The following GAD1 variants were observed in gnomAD, a reference collection of about 807,000 sequenced individuals.
GAD1 encodes glutamate decarboxylase 1.
Under a neutral mutation model 75.2 loss-of-function variants are expected in GAD1, and 35 were observed. The observed-to-expected ratio is 0.47, with a 90% CI of 0.36 to 0.62. The LOEUF (loss-of-function observed/expected upper bound fraction) is 0.62, where lower values mean the gene tolerates loss of function less well. GAD1 is among the 20% of genes least tolerant of loss of function. GAD1 has a pLI of 0.00. For synonymous variants in GAD1, 257 were observed against 271.9 expected, an observed-to-expected ratio of 0.95 and a Z score of 0.54; for missense variants, 490 against 758.5, an observed-to-expected ratio of 0.65 and a Z score of 4.16.
intron 6 of GAD1, among the ~76,000 whole-genome samples, chr2:170,839,133 G>T (rs1457328935): frequency 6.6e-6 from 1 of 152,172 alleles, no homozygotes; most frequent in Non-Finnish European, 1.5e-5. Flanking sequence ...AATGGCAAAA[G>T]GATCTTTCTA....
At chr2:170,855,496 CCG>C (rs1702831647) in intron 14 of GAD1, among the ~76,000 whole-genome samples, 1 of 151,594 alleles carries the variant, frequency 6.6e-6, no homozygotes. Flanking sequence ...GCGTGAGCCA[CCG>C]CACCCAGCTC....
chr2:170,843,773 T>C (rs1482990109), intron 6 of GAD1: 4 of 449,386 alleles, frequency 8.9e-6, no homozygotes, highest in African/African-American at 7.9e-5. Flanking sequence ...GGGTGGACCA[T>C]GCCTAAGACA....
At chr2:170,840,814 A>C (rs974558812) in intron 6 of GAD1, among the ~76,000 whole-genome samples, 7 of 152,330 alleles carry the variant, frequency 4.6e-5, no homozygotes, top group Middle Eastern at 3.4e-3. Flanking sequence ...AAAGGGTAGA[A>C]AATATAGTCT....
At chr2:170,840,229 T>C (rs979915213) in intron 6 of GAD1, among the ~76,000 whole-genome samples, 1 of 152,186 alleles carries the variant, frequency 6.6e-6, no homozygotes, top group African/African-American at 2.4e-5. Context: ...GGTACAGTGT[T>C]TGCACCTAGG....
intron 7 of GAD1, 55 bp from the exon 8 acceptor site, chr2:170,845,451 T>C (rs1575441587): frequency 6.7e-7 from 1 of 1,501,142 alleles, no homozygotes; most frequent in Non-Finnish European, 9.3e-7. Context: ...CGTTCGTTTT[T>C]AGAAACAATA....
chr2:170,856,960 C>T, intron 14 of GAD1, 58 bp from the exon 15 acceptor site: 1 of 1,366,448 alleles, frequency 7.3e-7, no homozygotes, highest in Non-Finnish European at 1.0e-6. Flanking sequence ...GCATAGCCTT[C>T]CCAAATGCTC....
At chr2:170,855,075 A>G (rs576383618) in intron 14 of GAD1, among the ~76,000 whole-genome samples, 2 of 152,260 alleles carry the variant, frequency 1.3e-5, no homozygotes, top group African/African-American at 4.8e-5. Flanking sequence ...AATAATTTCT[A>G]TGTTTAAGAT....
intron 15 of GAD1, among the ~76,000 whole-genome samples, chr2:170,857,709 T>TTAA (rs376829156): frequency 7.5e-4 from 115 of 152,376 alleles, no homozygotes; most frequent in African/African-American, 2.7e-3. Context: ...AAGGTTCTAC[T>TTAA]TAACATAGAC....
intron 14 of GAD1, among the ~76,000 whole-genome samples, chr2:170,855,488 G>A (rs190870713): frequency 7.8e-4 from 119 of 151,788 alleles, no homozygotes; most frequent in African/African-American, 2.6e-3. Context: ...GATTACAGGC[G>A]TGAGCCACCG....
At chr2:170,830,328 A>C (rs1702188918) in intron 4 of GAD1, among the ~76,000 whole-genome samples, 1 of 152,154 alleles carries the variant, frequency 6.6e-6, no homozygotes, top group South Asian at 2.1e-4. Flanking sequence ...TTCCCTGCCT[A>C]ACCTCTAGCC....
At position 170,818,521 on chromosome 2, in the gene GAD1, C is replaced by A; in HGVS notation, c.-63-8C>A. The A allele has an allele frequency of 7.0e-7, 1 of 1,426,698 alleles. No individual in the cohort carries two copies. Among genetic ancestry groups the A allele is most frequent in the Non-Finnish European group, 9.9e-7 (1 of 1,009,344 alleles). The allele number at this position is 1,426,698 out of a possible 1,614,324, so 88.4% of individuals were successfully genotyped here. A position where few individuals can be genotyped will look rare whatever the true frequency, so the allele number is the denominator to read the frequency against. On this transcript the variant is annotated splice_region_variant and splice_polypyrimidine_tract_variant and intron_variant, in intron 1 of 16. Transcript: ENST00000358196. The surrounding 1 kb of genome is among the most constrained non-coding windows in gnomAD (Gnocchi z 5.9). ...TCCTCCCCGCACAGCTCTCGCTTCTCTTTGCAGCCTGTTTCTGCGCCGGAC... is the reference window on the plus strand; with the variant it reads ...TCCTCCCCGCACAGCTCTCGCTTCTATTTGCAGCCTGTTTCTGCGCCGGAC...
At chr2:170,842,504 G>T (rs372163658) in intron 6 of GAD1, 139 of 1,399,248 alleles carry the variant, frequency 9.9e-5, no homozygotes, top group Non-Finnish European at 1.3e-4. Flanking sequence ...TCATGAGTTT[G>T]CCTCTTGGTA....
chr2:170,842,621 A>G, intron 6 of GAD1: 1 of 1,614,084 alleles, frequency 6.2e-7, no homozygotes, highest in African/African-American at 1.3e-5. Flanking sequence ...CTCAGAGCAG[A>G]ACCAAAGCAT....
chr2:170,815,411 A>C (rs1422633543), upstream of GAD1, among the ~76,000 whole-genome samples: 1 of 152,156 alleles, frequency 6.6e-6, no homozygotes, highest in Admixed American at 6.5e-5. Flanking sequence ...TTCAAACCCC[A>C]CAGCGAGATC....
intron 15 of GAD1, among the ~76,000 whole-genome samples, chr2:170,857,564 A>G (rs548830565): frequency 6.2e-4 from 94 of 152,340 alleles, no homozygotes; most frequent in African/African-American, 2.2e-3. Flanking sequence ...TGGGCAACAT[A>G]GCAAGACCCT....
chr2:170,852,696 C>T lies in GAD1; in HGVS notation c.1185-18C>T, dbSNP rs200890202. The T allele has an allele frequency of 9.3e-6, 15 of 1,612,316 alleles. No individual in the cohort carries two copies. The East Asian group carries it at 2.9e-4, about 31-fold the overall frequency. On this transcript the variant is annotated intron_variant, in intron 12 of 16. Transcript: ENST00000358196. ...TCCAACTCCTGCACCTTCTCGAAGTCTCATGTGCTTCTTTCAGGGCCAACT... is the reference window on the plus strand; with the variant it reads ...TCCAACTCCTGCACCTTCTCGAAGTTTCATGTGCTTCTTTCAGGGCCAACT...
intron 2 of GAD1, among the ~76,000 whole-genome samples, chr2:170,820,243 G>GTGGC (rs1452394507): frequency 6.6e-6 from 1 of 152,194 alleles, no homozygotes; most frequent in African/African-American, 2.4e-5. Context: ...GGAATTCCCG[G>GTGGC]TGGCCGCCAG....
At chr2:170,843,801 T>C in intron 6 of GAD1, 1 of 506,652 alleles carries the variant, frequency 2.0e-6, no homozygotes, top group South Asian at 2.1e-5. Context: ...CAGATAAGAA[T>C]CTATTTTGTT....
At chr2:170,823,384 C>G (rs1277883643) in intron 3 of GAD1, among the ~76,000 whole-genome samples, 2 of 152,234 alleles carry the variant, frequency 1.3e-5, no homozygotes, top group African/African-American at 4.8e-5. Flanking sequence ...TACTCCCTTC[C>G]CTGCTTGGCC....
Sources: gnomAD v4.1 joint callset for allele counts (sites outside exome capture counted in the v4.1 genomes callset) on GRCh38, gnomAD v4.1.1 for gene constraint, Gnocchi (gnomAD v3.1) non-coding constraint, MANE v1.5 for transcripts, NCBI Gene and HGNC (gene_info 2026-07-23, HGNC 2026-07-21) for gene names.